The following SCAPER variants were observed in gnomAD, a reference collection of about 807,000 sequenced individuals.
SCAPER encodes S-phase cyclin A associated protein in the ER.
SCAPER carries 98 observed loss-of-function variants against 182.2 expected under a neutral mutation model. That is an observed-to-expected ratio of 0.54 (90% CI 0.46 to 0.64). The LOEUF is 0.64. SCAPER is among the 30% of genes least tolerant of loss of function. SCAPER has a pLI of 0.00. For synonymous variants in SCAPER, 605 were observed against 564.6 expected, an observed-to-expected ratio of 1.07 and a Z score of -1.01; for missense variants, 1,432 against 1,690.0, an observed-to-expected ratio of 0.85 and a Z score of 2.68.
At chr15:76,575,700 T>A (rs2145404539) in intron 22 of SCAPER, among the ~76,000 whole-genome samples, 1 of 152,228 alleles carries the variant, frequency 6.6e-6, no homozygotes, top group East Asian at 1.9e-4. Flanking sequence ...CATTACTATT[T>A]ATCCCTCAGC....
intron 20 of SCAPER, among the ~76,000 whole-genome samples, chr15:76,690,242 G>C (rs1192279782): frequency 6.6e-6 from 1 of 151,936 alleles, no homozygotes; most frequent in Non-Finnish European, 1.5e-5. Flanking sequence ...TATAACCCCA[G>C]GGTAATCATG....
intron 26 of SCAPER, among the ~76,000 whole-genome samples, chr15:76,415,098 T>A (rs2045561220): frequency 6.6e-6 from 1 of 152,252 alleles, no homozygotes; most frequent in East Asian, 1.9e-4. Context: ...AAACAAAACA[T>A]TGCATAGCTA....
intron 8 of SCAPER, chr15:76,793,421 T>A (rs2065124972): frequency 3.6e-6 from 2 of 557,358 alleles, no homozygotes; most frequent in Admixed American, 3.5e-5. Context: ...ATTAGAACAC[T>A]GGGACTTTCA....
intron 22 of SCAPER, among the ~76,000 whole-genome samples, chr15:76,587,278 T>A (rs2048738343): frequency 6.6e-6 from 1 of 152,192 alleles, no homozygotes; most frequent in Non-Finnish European, 1.5e-5. Flanking sequence ...TTTTTTGGTT[T>A]CTATTTCATT....
chr15:76,370,121 A>G (rs1375309237), intron 29 of SCAPER, among the ~76,000 whole-genome samples: 1 of 151,934 alleles, frequency 6.6e-6, no homozygotes, highest in Non-Finnish European at 1.5e-5. Flanking sequence ...GAAAACCACA[A>G]AATAGCTTGG....
chr15:76,498,270 A>G (rs1366229275), intron 24 of SCAPER: 2 of 152,146 alleles, frequency 1.3e-5, no homozygotes, highest in African/African-American at 4.8e-5. Flanking sequence ...CATGCCCACA[A>G]GTGATCCAAA....
At chr15:76,542,078 TCTGA>T (rs2044802652) in intron 23 of SCAPER, among the ~76,000 whole-genome samples, 1 of 152,194 alleles carries the variant, frequency 6.6e-6, no homozygotes, top group Non-Finnish European at 1.5e-5. Context: ...GTTCTACTCA[TCTGA>T]CTATTTTCTG....
At chr15:76,528,587 A>G (rs1268971247) in intron 23 of SCAPER, among the ~76,000 whole-genome samples, 4 of 152,210 alleles carry the variant, frequency 2.6e-5, no homozygotes, top group African/African-American at 9.7e-5. Context: ...CACTTTTCAA[A>G]TGCATTTCTC....
At chr15:76,509,827 T>C (rs1165827585) in intron 23 of SCAPER, among the ~76,000 whole-genome samples, 2 of 152,074 alleles carry the variant, frequency 1.3e-5, no homozygotes, top group Non-Finnish European at 2.9e-5. Context: ...CAAACTATAC[T>C]ATAAGGCCAC....
intron 15 of SCAPER, among the ~76,000 whole-genome samples, chr15:76,738,877 T>A (rs2061412111): frequency 6.6e-6 from 1 of 152,188 alleles, no homozygotes. Context: ...CACGTGTTGT[T>A]GGAAAAAATG....
chr15:76,891,078 A>G (rs1200524241), intron 1 of SCAPER, among the ~76,000 whole-genome samples: 2 of 152,248 alleles, frequency 1.3e-5, no homozygotes, highest in African/African-American at 4.8e-5. Context: ...CCACATGATT[A>G]TCTCAATAGA....
chr15:76,392,081 A>G (rs1293834209), intron 27 of SCAPER, among the ~76,000 whole-genome samples: 2 of 152,220 alleles, frequency 1.3e-5, no homozygotes, highest in East Asian at 3.9e-4. Context: ...AGGATCTAAC[A>G]TATTAAATAT....
intron 22 of SCAPER, among the ~76,000 whole-genome samples, chr15:76,608,252 G>A (rs2050636901): frequency 6.6e-6 from 1 of 152,180 alleles, no homozygotes; most frequent in Non-Finnish European, 1.5e-5. Flanking sequence ...ACCCTCAGCT[G>A]CAGGTCTGTT....
At chr15:76,608,365 C>A (rs550198120) in intron 22 of SCAPER, among the ~76,000 whole-genome samples, 1 of 152,158 alleles carries the variant, frequency 6.6e-6, no homozygotes, top group Non-Finnish European at 1.5e-5. Flanking sequence ...GCTGCCTGAT[C>A]GTTCCTCTGG....
intron 21 of SCAPER, among the ~76,000 whole-genome samples, chr15:76,643,620 T>C (rs2054290868): frequency 6.6e-6 from 1 of 152,098 alleles, no homozygotes; most frequent in Non-Finnish European, 1.5e-5. Context: ...AGGCAGAGGT[T>C]GTAGTGAGCT....
At chr15:76,469,305 T>C (rs2049943378) in intron 25 of SCAPER, among the ~76,000 whole-genome samples, 1 of 152,206 alleles carries the variant, frequency 6.6e-6, no homozygotes, top group South Asian at 2.1e-4. Context: ...GTTATTTTTT[T>C]TCATTCTTGT....
chr15:76,820,885 C>A (rs1438313047), intron 5 of SCAPER, among the ~76,000 whole-genome samples: 2 of 152,064 alleles, frequency 1.3e-5, no homozygotes, highest in East Asian at 3.9e-4. Context: ...TGCTCCACAT[C>A]ATAAGTCATC....
intron 23 of SCAPER, chr15:76,567,412 G>A (rs1172485424): frequency 2.3e-6 from 1 of 436,656 alleles, no homozygotes; most frequent in Non-Finnish European, 4.6e-6. Flanking sequence ...ATACCTAGAA[G>A]TGAAATATGA....
chr15:76,428,741 T>C (rs1212408270), intron 26 of SCAPER, among the ~76,000 whole-genome samples: 1 of 151,546 alleles, frequency 6.6e-6, no homozygotes, highest in Non-Finnish European at 1.5e-5. Context: ...GTAGAGTGAC[T>C]ACGGTTAACA....
Sources: gnomAD v4.1 joint callset for allele counts (sites outside exome capture counted in the v4.1 genomes callset) on GRCh38, gnomAD v4.1.1 for gene constraint, MANE v1.5 for transcripts, NCBI Gene and HGNC (gene_info 2026-07-23, HGNC 2026-07-21) for gene names.